The following CAPN3 variants were observed in gnomAD, a reference collection of about 807,000 sequenced individuals.
CAPN3 encodes calpain 3, also known as calpain-3.
A neutral mutation model predicts 114.0 loss-of-function variants in CAPN3; 88 were observed. The observed-to-expected ratio is 0.77, with a 90% CI of 0.65 to 0.92. CAPN3 has a LOEUF of 0.92. Among genes scored for constraint, CAPN3 ranks in the 40% least tolerant of loss-of-function variants. The pLI is 0.00. For synonymous variants in CAPN3, 386 were observed against 382.9 expected (o/e 1.01, Z -0.09); for missense variants, 1,028 against 1,069.0 (o/e 0.96, Z 0.53).
intron 9 of CAPN3, among the ~76,000 whole-genome samples, chr15:42,398,685 G>GTA (rs768206775): frequency 8.0e-6 from 1 of 125,362 alleles, no homozygotes; most frequent in Non-Finnish European, 1.6e-5. Flanking sequence ...ACACACGTCT[G>GTA]TATATATATG....
intron 1 of CAPN3, among the ~76,000 whole-genome samples, chr15:42,360,848 G>C (rs1376685611): frequency 6.6e-6 from 1 of 152,148 alleles, no homozygotes; most frequent in Non-Finnish European, 1.5e-5. Context: ...ACATTCCCCT[G>C]GCTCACCTCT....
At chr15:42,393,595 C>CTTT (rs199564761) in intron 7 of CAPN3, among the ~76,000 whole-genome samples, 3 of 128,856 alleles carry the variant, frequency 2.3e-5, no homozygotes, top group Admixed American at 7.7e-5. Flanking sequence ...TTCTTTCTTT[C>CTTT]TTTTTTTTTT....
chr15:42,371,994 A>C (rs571164628), intron 1 of CAPN3, among the ~76,000 whole-genome samples: 7,943 of 144,380 alleles, frequency 0.055, 633 homozygotes, highest in African/African-American at 0.17. Flanking sequence ...TTAAAAATTA[A>C]AAAAAAAAAG....
chr15:42,405,776 C>T, intron 14 of CAPN3, 150 bp from the exon 15 acceptor site: 1 of 651,200 alleles, frequency 1.5e-6, no homozygotes, highest in South Asian at 1.9e-5. Flanking sequence ...CCCTCCATGC[C>T]CCTTTTTGGC....
chr15:42,410,983 G>A lies in CAPN3; in HGVS notation c.2363G>A (p.Arg788Lys), dbSNP rs769208910. ...DFDSFICCFV[R>K]LEGMFRAFHA... ...GACAGTTTCATCTGCTGCTTCGTTA[G>A]GCTGGAGGGCATGTTCAGTAAGTGG... The change falls in exon 22 of 24, where the codon AGG becomes AAG. Residue 788 changes from arginine to lysine, a missense_variant. Transcript: ENST00000397163. 6.2e-7 allele frequency: 1 copy of A among 1,613,806 alleles called. No homozygotes were observed. The highest frequency in any genetic ancestry group is 8.5e-7 in the Non-Finnish European group (1 of 1,179,670).
chr15:42,398,884 A>G (rs2053784691), intron 9 of CAPN3, among the ~76,000 whole-genome samples: 1 of 146,312 alleles, frequency 6.8e-6, no homozygotes, highest in African/African-American at 2.6e-5. Context: ...TCCTGGGTTC[A>G]AGTGATTCTC....
intron 1 of CAPN3, among the ~76,000 whole-genome samples, chr15:42,362,207 A>G (rs2052663457): frequency 6.6e-6 from 1 of 152,210 alleles, no homozygotes; most frequent in African/African-American, 2.4e-5. Flanking sequence ...TGAGCTCAGG[A>G]GTTGGAGACC....
At position 42,399,563 on chromosome 15, in the gene CAPN3, A is replaced by C; in HGVS notation, c.1265A>C (p.Gln422Pro). ...TGCAACCTCACGGCCGATGCTCTGC[A>C]GTCTGACAAGCTTCAGACCTGGACA... ...EICNLTADAL[Q>P]SDKLQTWTVS... Residue 422 changes from glutamine to proline, a missense_variant, in exon 10 of 24, where the codon CAG (glutamine) becomes CCG (proline). Physicochemically the swap from Gln to Pro is moderately conservative, Grantham distance 76. Coordinates refer to ENST00000397163, the MANE Select transcript of CAPN3 (RefSeq NM_000070.3). The C allele has an allele frequency of 1.2e-6, 2 of 1,613,626 alleles. No homozygotes were observed. Among genetic ancestry groups the C allele is most frequent in the Non-Finnish European group, 1.7e-6 (2 of 1,179,570 alleles).
At chr15:42,362,577 C>T (rs1327063662) in intron 1 of CAPN3, among the ~76,000 whole-genome samples, 1 of 152,186 alleles carries the variant, frequency 6.6e-6, no homozygotes, top group African/African-American at 2.4e-5. Flanking sequence ...CCACATGTTC[C>T]CCTGGGGTTA....
chr15:42,361,195 G>A (rs1391121418), intron 1 of CAPN3, among the ~76,000 whole-genome samples: 1 of 152,236 alleles, frequency 6.6e-6, no homozygotes, highest in Non-Finnish European at 1.5e-5. Context: ...GCCAGGCATG[G>A]TGGCTCATGC....
intron 18 of CAPN3, 39 bp downstream of exon 18, chr15:42,409,883 G>GA: frequency 1.8e-6 from 1 of 559,674 alleles, no homozygotes; most frequent in Non-Finnish European, 3.5e-6. Context: ...GGTGGGTGGG[G>GA]AGTCCCGTTG....
At position 42,411,155 on chromosome 15, in the gene CAPN3, G is replaced by C. The variant is rs28364540; in HGVS notation, c.2381-132G>C. 0.018 allele frequency: 17,726 copies of C among 1,009,822 alleles called. 1,045 individuals are homozygous for C. The highest frequency in any genetic ancestry group is 0.16 in the African/African-American group (10,343 of 63,394). The allele number at this position is 1,009,822 out of a possible 1,614,324, so 62.6% of individuals were successfully genotyped here. On this transcript the variant is annotated intron_variant, in intron 22 of 23. Transcript: ENST00000397163. ...ATGGGATGGCAAAGGGAGGGTTACT[G>C]GTGATTCTCTGCCTGCACATCTTTG...
chr15:42,380,057 G>A (rs2053195503), intron 1 of CAPN3, among the ~76,000 whole-genome samples: 1 of 152,074 alleles, frequency 6.6e-6, no homozygotes, highest in Non-Finnish European at 1.5e-5. Context: ...CGGAGACTGT[G>A]CCATTGCATT....
chr15:42,390,907 C>T (rs1372600850), intron 6 of CAPN3, among the ~76,000 whole-genome samples: 1 of 151,454 alleles, frequency 6.6e-6, no homozygotes. Flanking sequence ...TCTCCTGCCT[C>T]AGCCTCCCGA....
At chr15:42,397,784 C>T (rs1414760832) in intron 9 of CAPN3, among the ~76,000 whole-genome samples, 3 of 152,098 alleles carry the variant, frequency 2.0e-5, no homozygotes, top group Non-Finnish European at 4.4e-5. Context: ...CTCCTGGGCT[C>T]AAGCGGTCCT....
chr15:42,399,468 C>G (rs368088765), intron 9 of CAPN3, 24 bp from the exon 10 acceptor site: 36 of 1,604,016 alleles, frequency 2.2e-5, no homozygotes, highest in Admixed American at 6.7e-5. Context: ...CCATATGGCT[C>G]TCTCTCTTCT....
At chr15:42,373,091 G>A (rs910815818) in intron 1 of CAPN3, among the ~76,000 whole-genome samples, 5 of 151,484 alleles carry the variant, frequency 3.3e-5, no homozygotes, top group Admixed American at 6.6e-5. Flanking sequence ...TATTTGGGAG[G>A]CTGAGGCGGG....
intron 22 of CAPN3, 129 bp from the exon 23 acceptor site, chr15:42,411,158 G>A (rs116852089): frequency 0.017 from 17,483 of 1,018,212 alleles, 250 homozygotes; most frequent in South Asian, 0.029. Flanking sequence ...GGTTACTGGT[G>A]ATTCTCTGCC....
At position 42,362,456 on chromosome 15, in the gene CAPN3, G is replaced by T. The variant is rs144100834; in HGVS notation, c.309+2342G>T. 2.3e-3 allele frequency among the ~76,000 whole-genome samples: 356 copies of T among 152,224 alleles called. 2 individuals are homozygous for T. The highest frequency in any genetic ancestry group is 8.3e-3 in the African/African-American group (345 of 41,546). On this transcript the variant is annotated intron_variant, in intron 1 of 23. Coordinates refer to ENST00000397163, the MANE Select transcript of CAPN3 (RefSeq NM_000070.3). ...AATGAGGGGTGCAGAAGACTTGTCT[G>T]TTCTAAATTGTGCCCCCACCACCAC...
Sources: allele counts gnomAD v4.1 joint callset (sites outside exome capture counted in the v4.1 genomes callset), GRCh38; gene constraint gnomAD v4.1.1; transcripts MANE v1.5; gene names NCBI Gene and HGNC (gene_info 2026-07-23, HGNC 2026-07-21).